Variants in UCMA observed in about 807,000 individuals in gnomAD.
UCMA encodes upper zone of growth plate and cartilage matrix-associated protein.
A neutral mutation model predicts 21.8 loss-of-function variants in UCMA; 21 were observed. That is an observed-to-expected ratio of 0.97 (90% confidence interval 0.68 to 1.39). The LOEUF (loss-of-function observed/expected upper bound fraction) is 1.39, where lower values mean the gene tolerates loss of function less well. Among genes scored for constraint, UCMA ranks in the 40% most tolerant of loss-of-function variants. The pLI is 0.00. For synonymous variants in UCMA, 76 were observed against 67.9 expected (o/e 1.12, Z -0.58); for missense variants, 193 against 178.9 (o/e 1.08, Z -0.45).
Position 13,221,855 on chromosome 10 carries a change from C to G in UCMA, c.*248G>C. ...TTGGGAACGAAGCCAGGGGAAGCCA[C>G]TGTAGGTTTGGTACTAGGAGGCCCT... On this transcript the variant is annotated 3_prime_UTR_variant, in exon 5 of 5. Coordinates refer to ENST00000378681, the MANE Select transcript of UCMA (RefSeq NM_145314.3). The G allele has an allele frequency of 2.0e-6, 1 of 508,880 alleles. No homozygotes were observed. Among genetic ancestry groups the G allele is most frequent in the Non-Finnish European group, 3.5e-6 (1 of 286,138 alleles). 31.5% of individuals were successfully genotyped at this position (508,880 alleles called of 1,614,324 possible). A position where few individuals can be genotyped will look rare whatever the true frequency, so the allele number is the denominator to read the frequency against.
chr10:13,223,523 T>C (rs1408487892), intron 4 of UCMA, among the ~76,000 whole-genome samples: 1 of 152,162 alleles, frequency 6.6e-6, no homozygotes, highest in African/African-American at 2.4e-5. Flanking sequence ...GAATAATGTA[T>C]GATTCCACTT....
Position 13,222,201 on chromosome 10 carries a change from C to G in UCMA, c.320-1G>C. On this transcript the variant is annotated splice_acceptor_variant, in intron 4 of 4. Transcript: ENST00000378681. LOFTEE classifies it high-confidence loss of function. ...GCCTCCCGGCTCCTCTCTTCCTGCT[C>G]TGGGGAGGAAAGACAAAGCCACCTG... The G allele has an allele frequency of 6.2e-7, 1 of 1,613,506 alleles. No individual in the cohort carries two copies. The highest frequency in any genetic ancestry group is 8.5e-7 in the Non-Finnish European group (1 of 1,179,882).
chr10:13,232,307 G>A (rs1289316750), intron 3 of UCMA, among the ~76,000 whole-genome samples: 1 of 149,524 alleles, frequency 6.7e-6, no homozygotes, highest in East Asian at 2.0e-4. Flanking sequence ...GGGAGGTGGA[G>A]GTTGCAATGA....
chr10:13,223,630 T>C (rs563922189), intron 4 of UCMA, among the ~76,000 whole-genome samples: 119 of 152,284 alleles, frequency 7.8e-4, no homozygotes, highest in Non-Finnish European at 1.3e-3. Context: ...CTCGGCTCAC[T>C]GTAACCTCCG....
chr10:13,234,242 G>C lies in UCMA; in HGVS notation c.17C>G (p.Ala6Gly). The C allele has an allele frequency of 6.2e-7, 1 of 1,613,170 alleles. No individual in the cohort carries two copies. The highest frequency in any genetic ancestry group is 1.1e-5 in the South Asian group (1 of 90,992). The change falls in exon 1 of 5, where the codon GCC (alanine) becomes GGC (glycine). Residue 6 changes from alanine (A) to glycine (G), a missense_variant. Coordinates refer to ENST00000378681, the MANE Select transcript of UCMA (RefSeq NM_145314.3). ...GGCGGAGAAGCAAGACAGCAGGACG[G>C]CCTGTCTCCAAGTCATCTTTGCAGA... MTWRQ[A>G]VLLSCFSAVV...
intron 4 of UCMA, among the ~76,000 whole-genome samples, chr10:13,228,248 G>A (rs972838420): frequency 2.0e-5 from 3 of 152,010 alleles, no homozygotes; most frequent in Non-Finnish European, 4.4e-5. Flanking sequence ...TTTTAGTAGA[G>A]ACAGGGTTTC....
chr10:13,233,681 C>A, intron 2 of UCMA, 48 bp from the exon 3 acceptor site: 1 of 1,613,862 alleles, frequency 6.2e-7, no homozygotes, highest in South Asian at 1.1e-5. Context: ...GGTGCTGGGG[C>A]TGCTGCTTCG....
intron 4 of UCMA, among the ~76,000 whole-genome samples, chr10:13,222,634 T>A (rs920754259): frequency 2.6e-4 from 39 of 152,012 alleles, no homozygotes; most frequent in African/African-American, 8.9e-4. Flanking sequence ...ATTGTCGACT[T>A]GGAGTTTTTT....
chr10:13,233,969 C>G (rs1438744562), intron 1 of UCMA, among the ~76,000 whole-genome samples, 169 bp from the exon 2 acceptor site: 6 of 152,010 alleles, frequency 3.9e-5, no homozygotes, highest in African/African-American at 1.5e-4. Flanking sequence ...ACCCACCAAG[C>G]AAGCTGGCTT....
At chr10:13,230,580 C>T (rs920444467) in intron 3 of UCMA, among the ~76,000 whole-genome samples, 2 of 152,152 alleles carry the variant, frequency 1.3e-5, no homozygotes, top group Non-Finnish European at 2.9e-5. Context: ...GGATTCCCCT[C>T]ACACCAAATG....
At chr10:13,224,768 C>A (rs12355951) in intron 4 of UCMA, among the ~76,000 whole-genome samples, 1 of 152,200 alleles carries the variant, frequency 6.6e-6, no homozygotes, top group South Asian at 2.1e-4. Flanking sequence ...AGTCTCACCT[C>A]GGCCCAGCTG....
At chr10:13,222,533 G>A (rs746516470) in intron 4 of UCMA, among the ~76,000 whole-genome samples, 3 of 152,102 alleles carry the variant, frequency 2.0e-5, no homozygotes, top group African/African-American at 7.2e-5. Context: ...AGACGAAAAA[G>A]TAACAACACA....
chr10:13,234,316 C>T lies in UCMA; in HGVS notation c.-58G>A. On this transcript the variant is annotated 5_prime_UTR_variant, in exon 1 of 5. Transcript: ENST00000378681. Reference sequence around the variant, plus strand: ...ACAAGGCAGACCAGGCGTCCTGCACCCTTTGGGTCCCCACTTCTGAGGCAG... The same window carrying T: ...ACAAGGCAGACCAGGCGTCCTGCACTCTTTGGGTCCCCACTTCTGAGGCAG... The T allele has an allele frequency of 6.3e-7, 1 of 1,578,114 alleles. No individual in the cohort carries two copies. The highest frequency in any genetic ancestry group is 1.2e-5 in the South Asian group (1 of 86,464).
chr10:13,231,280 C>T (rs1834896490), intron 3 of UCMA, among the ~76,000 whole-genome samples: 1 of 152,150 alleles, frequency 6.6e-6, no homozygotes, highest in Non-Finnish European at 1.5e-5. Context: ...TTGAGTCTGG[C>T]AGAAGGGGTT....
intron 4 of UCMA, among the ~76,000 whole-genome samples, chr10:13,227,414 G>C (rs1418412399): frequency 6.6e-6 from 1 of 152,138 alleles, no homozygotes; most frequent in Admixed American, 6.6e-5. Context: ...GAAATTTGGA[G>C]AAAGACCAAA....
chr10:13,234,178 C>T lies in UCMA; in HGVS notation c.58+23G>A, dbSNP rs377119825. 8.9e-5 allele frequency: 143 copies of T among 1,600,274 alleles called. 1 individual carries two copies. The highest frequency in any genetic ancestry group is 1.7e-4 in the Middle Eastern group (1 of 6,006). ...CCCTTACCATGTAACTAACACCCTC[C>T]ACCTTGACCCTCCTGTACTCACTAG... is the stretch of plus-strand genomic sequence containing the variant. On this transcript the variant is annotated intron_variant, in intron 1 of 4. Coordinates refer to ENST00000378681, the MANE Select transcript of UCMA (RefSeq NM_145314.3).
chr10:13,225,812 TTTCAGGCAA>T (rs1186697892), intron 4 of UCMA, among the ~76,000 whole-genome samples: 1 of 150,958 alleles, frequency 6.6e-6, no homozygotes, highest in Non-Finnish European at 1.5e-5. Flanking sequence ...CCAGGGATGG[TTTCAGGCAA>T]GCAGAACCCC....
Position 13,221,944 on chromosome 10 carries a change from A to G in UCMA, c.*159T>C. 1 of 688,796 alleles carries G rather than the reference A, an allele frequency of 1.5e-6. No individual in the cohort carries two copies. Among genetic ancestry groups the G allele is most frequent in the East Asian group, 2.7e-5 (1 of 37,202 alleles). 42.7% of individuals were successfully genotyped at this position (688,796 alleles called of 1,614,324 possible). On this transcript the variant is annotated 3_prime_UTR_variant, in exon 5 of 5. Transcript: ENST00000378681. ...GGTGAAAGTCAGGACACTTTCACAC[A>G]CTGGAAGGAAAGGCATGCGTCTTTT...
At chr10:13,228,123 A>G (rs60170235) in intron 4 of UCMA, among the ~76,000 whole-genome samples, 66,670 of 151,244 alleles carry the variant, frequency 0.44, 15,256 homozygotes, top group African/African-American at 0.54. Flanking sequence ...GCGGTGGTGC[A>G]ATCTTGGCTC....
Sources: gnomAD v4.1 joint callset for allele counts (sites outside exome capture counted in the v4.1 genomes callset) on GRCh38, gnomAD v4.1.1 for gene constraint, MANE v1.5 for transcripts, NCBI Gene and HGNC (gene_info 2026-07-23, HGNC 2026-07-21) for gene names.